ARHGEF7: variants seen among roughly 807,000 people sequenced by gnomAD.
ARHGEF7 encodes Rho guanine nucleotide exchange factor 7.
Under a neutral mutation model 109.8 loss-of-function variants are expected in ARHGEF7, and 33 were observed. The observed-to-expected ratio is 0.30, with a 90% CI of 0.23 to 0.40. The LOEUF (loss-of-function observed/expected upper bound fraction) is 0.40. Ranked by LOEUF, ARHGEF7 falls within the 10% of genes least tolerant of loss-of-function variation. The probability of loss-of-function intolerance (pLI) is 1.00; values close to 1 mark genes in which losing one functional copy is unlikely to be tolerated. For synonymous variants in ARHGEF7, 458 were observed against 424.6 expected (o/e 1.08, Z -0.97); for missense variants, 938 against 1,098.5 (o/e 0.85, Z 2.07).
intron 2 of ARHGEF7, among the ~76,000 whole-genome samples, chr13:111,165,761 G>C (rs1462465422): frequency 1.3e-5 from 2 of 152,212 alleles, no homozygotes; most frequent in Admixed American, 1.3e-4. Context: ...TCAGTGGTCA[G>C]CTCTGCATAG....
intron 2 of ARHGEF7, among the ~76,000 whole-genome samples, chr13:111,164,765 A>G (rs549513460): frequency 3.3e-5 from 5 of 152,318 alleles, no homozygotes; most frequent in Non-Finnish European, 7.4e-5. Context: ...ACACGATTGC[A>G]TCCGTGACCC....
chr13:111,297,629 A>T (rs894922906), intron 19 of ARHGEF7, among the ~76,000 whole-genome samples: 1 of 152,208 alleles, frequency 6.6e-6, no homozygotes, highest in African/African-American at 2.4e-5. Flanking sequence ...CATGAAATTG[A>T]GACTCAGTGC....
intron 1 of ARHGEF7, among the ~76,000 whole-genome samples, chr13:111,151,584 A>G (rs998292301): frequency 1.3e-5 from 2 of 152,212 alleles, no homozygotes; most frequent in African/African-American, 2.4e-5. Context: ...ATGTTACTTT[A>G]GCACTTTCTG....
At chr13:111,232,160 A>G (rs1022328257) in intron 5 of ARHGEF7, among the ~76,000 whole-genome samples, 1 of 152,170 alleles carries the variant, frequency 6.6e-6, no homozygotes, top group African/African-American at 2.4e-5. Flanking sequence ...CCCACCCTAT[A>G]GAATTGTGAT....
intron 19 of ARHGEF7, chr13:111,294,298 C>T: frequency 4.1e-6 from 4 of 985,480 alleles, no homozygotes; most frequent in Non-Finnish European, 4.8e-6. Context: ...CGAGACTACT[C>T]ATTAGCGCAC....
At chr13:111,219,344 T>C (rs1390921757) in intron 5 of ARHGEF7, among the ~76,000 whole-genome samples, 1 of 152,220 alleles carries the variant, frequency 6.6e-6, no homozygotes, top group African/African-American at 2.4e-5. Context: ...TACCTTCCTT[T>C]GTAAGGCTGA....
At position 111,275,601 on chromosome 13, in the gene ARHGEF7, T is replaced by C; in HGVS notation, c.1342T>C (p.Trp448Arg). The C allele has an allele frequency of 6.2e-7, 1 of 1,614,184 alleles. No homozygotes were observed. The highest frequency in any genetic ancestry group is 1.1e-5 in the South Asian group (1 of 91,086). The stretch of plus-strand genomic sequence containing the variant: ...GATCCTGACGGAAGCCATCCGGAAC[T>C]GGGAGGGCGATGACATTAAAACTCT... ...LQILTEAIRN[W>R]EGDDIKTLGN... The change falls in exon 12 of 22, where the codon TGG becomes CGG. Residue 448 changes from tryptophan (W) to arginine (R), a missense_variant. Physicochemically the swap from Trp to Arg is moderately radical, Grantham distance 101. Coordinates refer to ENST00000646102, the MANE Select transcript of ARHGEF7 (RefSeq NM_001354046.2).
chr13:111,147,572 C>T (rs2075662271), intron 1 of ARHGEF7, among the ~76,000 whole-genome samples: 1 of 152,192 alleles, frequency 6.6e-6, no homozygotes, highest in South Asian at 2.1e-4. Flanking sequence ...CAGCTTCACC[C>T]ATGATCTCAG....
intron 19 of ARHGEF7, chr13:111,293,648 C>T (rs779136812): frequency 4.5e-5 from 44 of 985,156 alleles, no homozygotes; most frequent in Non-Finnish European, 5.3e-5. Flanking sequence ...TGGAACCTTA[C>T]GGTTGTGTTT....
At chr13:111,186,748 T>C in intron 2 of ARHGEF7, 2 of 910,128 alleles carry the variant, frequency 2.2e-6, no homozygotes, top group Non-Finnish European at 2.6e-6. Context: ...CTCAAGTTCC[T>C]GGAGGAGGCG....
chr13:111,173,334 C>G (rs2077775507), intron 2 of ARHGEF7, among the ~76,000 whole-genome samples: 1 of 152,162 alleles, frequency 6.6e-6, no homozygotes. Context: ...ATATTTTGCC[C>G]CCTTTTAAAG....
intron 8 of ARHGEF7, among the ~76,000 whole-genome samples, chr13:111,257,569 A>G (rs1232277908): frequency 6.6e-6 from 1 of 152,264 alleles, no homozygotes; most frequent in Non-Finnish European, 1.5e-5. Flanking sequence ...CCCCACAGGA[A>G]CACCAAATTG....
chr13:111,166,058 A>G (rs1198305722), intron 2 of ARHGEF7, among the ~76,000 whole-genome samples: 1 of 152,070 alleles, frequency 6.6e-6, no homozygotes, highest in African/African-American at 2.4e-5. Flanking sequence ...TCCTTTTACT[A>G]ACCCCAGAAT....
intron 4 of ARHGEF7, among the ~76,000 whole-genome samples, chr13:111,211,126 G>A (rs2082437882): frequency 6.6e-6 from 1 of 152,182 alleles, no homozygotes; most frequent in Non-Finnish European, 1.5e-5. Flanking sequence ...TGGGCGGTGG[G>A]CTGCATGGCC....
chr13:111,141,210 G>C (rs950136604), intron 1 of ARHGEF7, among the ~76,000 whole-genome samples: 1 of 152,108 alleles, frequency 6.6e-6, no homozygotes, highest in African/African-American at 2.4e-5. Context: ...TGTATGTTCT[G>C]TGGGTTTTGA....
At chr13:111,284,673 C>G (rs182699669) in intron 16 of ARHGEF7, among the ~76,000 whole-genome samples, 10 of 152,336 alleles carry the variant, frequency 6.6e-5, no homozygotes, top group African/African-American at 2.4e-4. Flanking sequence ...CAACTCCACA[C>G]TGGGAGAGAA....
intron 2 of ARHGEF7, 128 bp downstream of exon 2, chr13:111,154,119 A>G (rs2076102056): frequency 8.0e-6 from 8 of 998,000 alleles, no homozygotes; most frequent in African/African-American, 5.2e-5. Flanking sequence ...CGGCTGCTCG[A>G]GAGTCCGGGA....
chr13:111,219,884 G>A (rs2083603717), intron 5 of ARHGEF7, among the ~76,000 whole-genome samples: 1 of 152,072 alleles, frequency 6.6e-6, no homozygotes, highest in South Asian at 2.1e-4. Flanking sequence ...TTAAGAAGGG[G>A]GTGGGTTGCA....
At chr13:111,276,464 C>T (rs1267316461) in intron 12 of ARHGEF7, among the ~76,000 whole-genome samples, 1 of 152,204 alleles carries the variant, frequency 6.6e-6, no homozygotes, top group Admixed American at 6.5e-5. Context: ...AAAAACTTCA[C>T]ATCTTTTCAG....
Sources: allele counts gnomAD v4.1 joint callset (sites outside exome capture counted in the v4.1 genomes callset), GRCh38; gene constraint gnomAD v4.1.1; transcripts MANE v1.5; gene names NCBI Gene and HGNC (gene_info 2026-07-23, HGNC 2026-07-21).